The following FRMD4A variants were observed in gnomAD, a reference collection of about 807,000 sequenced individuals.
FRMD4A encodes FERM domain-containing protein 4A.
FRMD4A carries 29 observed loss-of-function variants against 129.1 expected under a neutral mutation model. That is an observed-to-expected ratio of 0.22 (90% CI 0.17 to 0.31). The LOEUF is 0.31. FRMD4A is among the 10% of genes least tolerant of loss of function. FRMD4A has a pLI of 1.00. For missense variants in FRMD4A, 1,272 were observed against 1,375.8 expected (o/e 0.92, Z 1.19); for synonymous variants, 634 against 571.6 (o/e 1.11, Z -1.56).
chr10:13,949,006 T>C (rs1165008089), intron 2 of FRMD4A, among the ~76,000 whole-genome samples: 1 of 152,192 alleles, frequency 6.6e-6, no homozygotes, highest in Non-Finnish European at 1.5e-5. Context: ...TCAAATATTA[T>C]GGCATTTGCA....
intron 12 of FRMD4A, among the ~76,000 whole-genome samples, chr10:13,717,178 C>T (rs1026503193): frequency 6.6e-6 from 1 of 152,154 alleles, no homozygotes. Flanking sequence ...CTATGACAGA[C>T]CTCAGTGGGA....
chr10:14,028,905 T>C (rs1275682913), intron 2 of FRMD4A, among the ~76,000 whole-genome samples: 2 of 152,338 alleles, frequency 1.3e-5, no homozygotes, highest in Non-Finnish European at 2.9e-5. Context: ...ATCCTGCTAC[T>C]ATTTATAGAC....
chr10:14,148,247 C>T (rs1840174133), intron 2 of FRMD4A, among the ~76,000 whole-genome samples: 1 of 152,104 alleles, frequency 6.6e-6, no homozygotes, highest in Non-Finnish European at 1.5e-5. Flanking sequence ...TTTAATTATC[C>T]CCCTTTAGTT....
intron 3 of FRMD4A, among the ~76,000 whole-genome samples, chr10:13,852,186 A>T (rs1182208510): frequency 6.6e-6 from 1 of 152,144 alleles, no homozygotes; most frequent in Non-Finnish European, 1.5e-5. Context: ...CTACTGCTCT[A>T]GAAATAGCCA....
intron 2 of FRMD4A, among the ~76,000 whole-genome samples, chr10:14,182,798 G>C (rs1002004048): frequency 6.6e-6 from 1 of 152,208 alleles, no homozygotes; most frequent in African/African-American, 2.4e-5. Flanking sequence ...CCAAGGATTA[G>C]AGGTAACAAT....
chr10:14,160,801 G>A (rs750107609), intron 2 of FRMD4A, among the ~76,000 whole-genome samples: 8 of 152,158 alleles, frequency 5.3e-5, no homozygotes, highest in Non-Finnish European at 8.8e-5. Context: ...CTGGATATTC[G>A]CTTCACAAGA....
intron 3 of FRMD4A, among the ~76,000 whole-genome samples, chr10:13,849,250 C>A (rs143931569): frequency 6.6e-6 from 1 of 152,178 alleles, no homozygotes; most frequent in South Asian, 2.1e-4. Flanking sequence ...CTTCTGCACA[C>A]GCCTTCCCAG....
At chr10:14,260,604 C>G (rs1844768489) in intron 2 of FRMD4A, among the ~76,000 whole-genome samples, 1 of 152,138 alleles carries the variant, frequency 6.6e-6, no homozygotes, top group African/African-American at 2.4e-5. Context: ...GAAGCCTGAG[C>G]AATCACAATT....
intron 2 of FRMD4A, among the ~76,000 whole-genome samples, chr10:14,025,201 A>T (rs1014530107): frequency 2.6e-5 from 4 of 152,222 alleles, no homozygotes; most frequent in African/African-American, 9.6e-5. Flanking sequence ...CAAGGAAAAA[A>T]TTTAATATCT....
intron 2 of FRMD4A, among the ~76,000 whole-genome samples, chr10:13,874,289 A>G (rs1221823694): frequency 6.6e-6 from 1 of 150,790 alleles, no homozygotes; most frequent in African/African-American, 2.4e-5. Flanking sequence ...TGAACAATTC[A>G]GCTTCTGTTT....
At chr10:13,792,908 C>A (rs773635579) in intron 5 of FRMD4A, among the ~76,000 whole-genome samples, 7 of 152,182 alleles carry the variant, frequency 4.6e-5, no homozygotes, top group Non-Finnish European at 1.0e-4. Context: ...AGAGGAGATG[C>A]TATCTGGCTT....
rs1276746951 is a variant in FRMD4A at position 14,050,695 on chromosome 10, A to G, written c.46-191783T>C. On this transcript the variant is annotated intron_variant, in intron 2 of 24. Coordinates refer to ENST00000357447, the MANE Select transcript of FRMD4A (RefSeq NM_018027.5). ...TCCATCACTCATGGCCAATGATTTA[A>G]CCAACCACGCCTATGTAATGAAACT... Among the ~76,000 whole-genome samples, 5 of 152,084 alleles carry G rather than the reference A, an allele frequency of 3.3e-5. No homozygotes were observed. In the East Asian group the frequency reaches 9.7e-4, roughly 29 times the overall value.
rs117468897 is a variant in FRMD4A at position 14,122,998 on chromosome 10, G to C, written c.45+207060C>G. Among the ~76,000 whole-genome samples the C allele has an allele frequency of 3.3e-3, 498 of 152,160 alleles. 6 individuals carry two copies. In the East Asian group the frequency reaches 0.038, roughly 12 times the overall value. ...TCATCCTACAGTGGTATAGAACACT[G>C]ATACTTATTTGATGATTATAGAAGC... On this transcript the variant is annotated intron_variant, in intron 2 of 24. Coordinates refer to ENST00000357447, the MANE Select transcript of FRMD4A (RefSeq NM_018027.5).
intron 4 of FRMD4A, among the ~76,000 whole-genome samples, chr10:13,797,489 T>TA (rs1400334808): frequency 6.6e-6 from 1 of 152,008 alleles, no homozygotes; most frequent in Non-Finnish European, 1.5e-5. Flanking sequence ...CCCAGCGTCT[T>TA]AGTGTCCTGT....
intron 2 of FRMD4A, among the ~76,000 whole-genome samples, chr10:13,973,530 A>G (rs1210494720): frequency 1.3e-5 from 2 of 152,084 alleles, no homozygotes; most frequent in East Asian, 3.9e-4. Flanking sequence ...TCATTTTTCC[A>G]TGAATAATCA....
intron 2 of FRMD4A, among the ~76,000 whole-genome samples, chr10:14,158,837 AGAGGAGGAGGAGGAG>A (rs71388159): frequency 3.6e-5 from 5 of 137,028 alleles, no homozygotes; most frequent in East Asian, 2.2e-4. Flanking sequence ...AGGAGGAGAA[AGAGGAGGAGGAGGAG>A]GAGGAGGAGG....
intron 6 of FRMD4A, among the ~76,000 whole-genome samples, chr10:13,780,714 G>A (rs1230268546): frequency 6.6e-6 from 1 of 152,140 alleles, no homozygotes; most frequent in African/African-American, 2.4e-5. Context: ...TGGAGAAACT[G>A]GAACCCTTGG....
chr10:13,932,977 ATGG>A (rs2095214545), intron 2 of FRMD4A, among the ~76,000 whole-genome samples: 1 of 152,130 alleles, frequency 6.6e-6, no homozygotes, highest in Admixed American at 6.5e-5. Flanking sequence ...CCTGGCCAAC[ATGG>A]TGAAACTCTG....
At chr10:14,261,008 G>A (rs1221459278) in intron 2 of FRMD4A, among the ~76,000 whole-genome samples, 2 of 152,104 alleles carry the variant, frequency 1.3e-5, no homozygotes, top group Non-Finnish European at 2.9e-5. Context: ...TAAAATCTTT[G>A]TACCTAAGCA....
Sources: gnomAD v4.1 joint callset for allele counts (sites outside exome capture counted in the v4.1 genomes callset) on GRCh38, gnomAD v4.1.1 for gene constraint, MANE v1.5 for transcripts, NCBI Gene and HGNC (gene_info 2026-07-23, HGNC 2026-07-21) for gene names.